The following HCRTR2 variants were observed in gnomAD, a reference collection of about 807,000 sequenced individuals.
The protein encoded by HCRTR2 is hypocretin receptor 2.
A neutral mutation model predicts 49.0 loss-of-function variants in HCRTR2; 22 were observed. That is an observed-to-expected ratio of 0.45 (90% CI 0.32 to 0.64). HCRTR2 has a LOEUF of 0.64. Among genes scored for constraint, HCRTR2 ranks in the 30% least tolerant of loss-of-function variants. The pLI is 0.04. For synonymous variants in HCRTR2, 236 were observed against 205.3 expected (o/e 1.15, Z -1.28); for missense variants, 491 against 559.4 (o/e 0.88, Z 1.23).
intron 1 of HCRTR2, among the ~76,000 whole-genome samples, chr6:55,220,779 C>G (rs1467542733): frequency 1.3e-5 from 2 of 152,036 alleles, no homozygotes; most frequent in Non-Finnish European, 2.9e-5. Context: ...TCTCTATTCC[C>G]AGATATAATA....
At chr6:55,141,651 T>A (rs1017918786) in intron 1 of HCRTR2, among the ~76,000 whole-genome samples, 2 of 152,178 alleles carry the variant, frequency 1.3e-5, no homozygotes, top group African/African-American at 4.8e-5. Flanking sequence ...GGTTGTGAGA[T>A]GTTTGAACCC....
chr6:55,272,821 C>G (rs1267384086), intron 4 of HCRTR2, among the ~76,000 whole-genome samples: 1 of 146,448 alleles, frequency 6.8e-6, no homozygotes, highest in Non-Finnish European at 1.5e-5. Flanking sequence ...AACCATATAT[C>G]AAGTCCCAGA....
intron 1 of HCRTR2, among the ~76,000 whole-genome samples, chr6:55,182,221 A>G (rs1340766091): frequency 8.5e-5 from 13 of 152,200 alleles, no homozygotes; most frequent in Admixed American, 8.5e-4. Flanking sequence ...ATGGCTTCCA[A>G]TGACCGCCCC....
intron 1 of HCRTR2, among the ~76,000 whole-genome samples, chr6:55,187,652 A>T (rs76395123): frequency 0.067 from 10,001 of 149,434 alleles, 745 homozygotes; most frequent in East Asian, 0.39. Flanking sequence ...TAATTCTACA[A>T]CAACTAGTGT....
chr6:55,239,520 T>A lies in HCRTR2; in HGVS notation c.224-9119T>A, dbSNP rs74909480. Among the ~76,000 whole-genome samples the A allele has an allele frequency of 8.4e-3, 1,270 of 152,090 alleles. 12 individuals are homozygous for A. Among genetic ancestry groups the A allele is most frequent in the South Asian group, 0.025 (121 of 4,830 alleles). On this transcript the variant is annotated intron_variant, in intron 1 of 6. Coordinates refer to ENST00000370862, the MANE Select transcript of HCRTR2 (RefSeq NM_001384272.1). The stretch of plus-strand genomic sequence containing the variant: ...TGCACATTTGTGTGTGTGAAGATAC[T>A]CTTTCTAAATCCCTTTCAAGACAAA...
chr6:55,226,713 T>G (rs949693182), intron 1 of HCRTR2, among the ~76,000 whole-genome samples: 1 of 70,422 alleles, frequency 1.4e-5, no homozygotes, highest in Non-Finnish European at 3.0e-5. Context: ...TTCCAGGTGT[T>G]TTTTTTTTTT....
intron 1 of HCRTR2, among the ~76,000 whole-genome samples, chr6:55,151,738 A>G (rs1485631445): frequency 6.6e-6 from 1 of 151,844 alleles, no homozygotes; most frequent in Non-Finnish European, 1.5e-5. Context: ...CTTTCCCAAG[A>G]TCCATCAGGG....
intron 1 of HCRTR2, among the ~76,000 whole-genome samples, chr6:55,160,872 G>A (rs1184644077): frequency 2.0e-5 from 3 of 151,962 alleles, no homozygotes; most frequent in African/African-American, 4.8e-5. Flanking sequence ...AGACTCCCAC[G>A]TAATAATAGT....
At chr6:55,220,553 C>G in intron 1 of HCRTR2, among the ~76,000 whole-genome samples, 1 of 152,112 alleles carries the variant, frequency 6.6e-6, no homozygotes. Flanking sequence ...AAGGCATGTA[C>G]CTCAACACAA....
At chr6:55,123,459 C>G (rs1764230261) in intron 1 of HCRTR2, among the ~76,000 whole-genome samples, 1 of 152,090 alleles carries the variant, frequency 6.6e-6, no homozygotes, top group Admixed American at 6.6e-5. Context: ...ACCAGCCTTG[C>G]ATTCCAGGTA....
chr6:55,242,958 A>G (rs191516347), intron 1 of HCRTR2, among the ~76,000 whole-genome samples: 1 of 152,360 alleles, frequency 6.6e-6, no homozygotes, highest in Non-Finnish European at 1.5e-5. Flanking sequence ...TCTGAATATT[A>G]TTTAACATAT....
At chr6:55,251,734 G>A (rs1382082219) in intron 2 of HCRTR2, among the ~76,000 whole-genome samples, 5 of 151,836 alleles carry the variant, frequency 3.3e-5, no homozygotes, top group Admixed American at 6.6e-5. Flanking sequence ...TACCTTTGCC[G>A]TATCTATTTG....
intron 1 of HCRTR2, among the ~76,000 whole-genome samples, chr6:55,236,953 A>G (rs1200074674): frequency 6.6e-6 from 1 of 152,136 alleles, no homozygotes; most frequent in Non-Finnish European, 1.5e-5. Flanking sequence ...AATCACAGGT[A>G]TAATAGAATT....
chr6:55,192,973 T>C (rs1581820192), intron 1 of HCRTR2, among the ~76,000 whole-genome samples: 1 of 152,332 alleles, frequency 6.6e-6, no homozygotes, highest in Admixed American at 6.5e-5. Context: ...ATAACCATTT[T>C]CAGAGAGAAT....
At chr6:55,176,561 G>A (rs1581809378) in intron 1 of HCRTR2, among the ~76,000 whole-genome samples, 2 of 152,126 alleles carry the variant, frequency 1.3e-5, no homozygotes, top group Admixed American at 6.5e-5. Flanking sequence ...CCTACTGTGT[G>A]CCAGAGCCCT....
At chr6:55,284,239 G>C (rs1444631338), downstream of HCRTR2, among the ~76,000 whole-genome samples, 1 of 152,102 alleles carries the variant, frequency 6.6e-6, no homozygotes, top group East Asian at 1.9e-4. Context: ...GAGAGGGAAA[G>C]GGGGAGAGAA....
chr6:55,237,779 G>C (rs1356074346), intron 1 of HCRTR2, among the ~76,000 whole-genome samples: 12 of 152,166 alleles, frequency 7.9e-5, no homozygotes, highest in Non-Finnish European at 1.6e-4. Flanking sequence ...GCCGTTACCA[G>C]AAATAGAAAC....
At chr6:55,210,895 T>C (rs1460384083) in intron 1 of HCRTR2, among the ~76,000 whole-genome samples, 1 of 152,262 alleles carries the variant, frequency 6.6e-6, no homozygotes, top group Non-Finnish European at 1.5e-5. Flanking sequence ...TTCCTAAGAG[T>C]ACGCTCATGC....
chr6:55,178,248 C>T (rs1033983222), intron 1 of HCRTR2, among the ~76,000 whole-genome samples: 2 of 151,788 alleles, frequency 1.3e-5, no homozygotes, highest in African/African-American at 4.8e-5. Context: ...CAATTTTCTG[C>T]TTCTCATATC....
Sources: allele counts gnomAD v4.1 joint callset (sites outside exome capture counted in the v4.1 genomes callset), GRCh38; gene constraint gnomAD v4.1.1; transcripts MANE v1.5; gene names NCBI Gene and HGNC (gene_info 2026-07-23, HGNC 2026-07-21).